The following LRFN5 variants were observed in gnomAD, a reference collection of about 807,000 sequenced individuals.
LRFN5 encodes the protein leucine-rich repeat and fibronectin type-III domain-containing protein 5.
LRFN5 carries 24 observed loss-of-function variants against 45.6 expected under a neutral mutation model. The ratio of observed to expected loss-of-function variants is 0.53; its 90% CI spans 0.38 to 0.74. LRFN5 has a LOEUF of 0.74. Among genes scored for constraint, LRFN5 ranks in the 30% least tolerant of loss-of-function variants. The pLI, the probability that LRFN5 is intolerant of heterozygous loss-of-function variation, is 0.00. For missense variants in LRFN5, 776 were observed against 861.5 expected (o/e 0.90, Z 1.24); for synonymous variants, 340 against 313.8 (o/e 1.08, Z -0.88).
intron 1 of LRFN5, among the ~76,000 whole-genome samples, chr14:41,751,184 T>C (rs1004180558): frequency 1.3e-5 from 2 of 152,084 alleles, no homozygotes; most frequent in Admixed American, 1.3e-4. Context: ...AACACAATTA[T>C]AATTCAAGAT....
At chr14:41,633,270 A>T (rs1888613671) in intron 1 of LRFN5, among the ~76,000 whole-genome samples, 2 of 152,252 alleles carry the variant, frequency 1.3e-5, no homozygotes, top group South Asian at 2.1e-4. Context: ...AAATAGCTGT[A>T]TATAACTAAT....
chr14:41,893,220 A>C (rs1890840090), intron 4 of LRFN5: 1 of 969,678 alleles, frequency 1.0e-6, no homozygotes, highest in Non-Finnish European at 1.2e-6. Context: ...CAGGATTTTA[A>C]ATTTAGTAGA....
chr14:41,688,066 AAAAG>A (rs1239503625), intron 1 of LRFN5, among the ~76,000 whole-genome samples: 2 of 152,240 alleles, frequency 1.3e-5, no homozygotes, highest in African/African-American at 4.8e-5. Flanking sequence ...ACCAGGCACA[AAAAG>A]ACAAACTTTA....
intron 1 of LRFN5, among the ~76,000 whole-genome samples, chr14:41,674,012 G>A (rs1215461229): frequency 6.8e-6 from 1 of 146,988 alleles, no homozygotes; most frequent in Non-Finnish European, 1.5e-5. Context: ...CTTCCCAGAC[G>A]CGGTGGCTGC....
intron 1 of LRFN5, among the ~76,000 whole-genome samples, chr14:41,749,341 CTT>C (rs1341131758): frequency 6.6e-6 from 1 of 152,026 alleles, no homozygotes; most frequent in African/African-American, 2.4e-5. Context: ...GAAATACTGA[CTT>C]ATAATAAAGC....
chr14:41,774,514 C>G (rs1350987365), intron 2 of LRFN5, among the ~76,000 whole-genome samples: 1 of 151,946 alleles, frequency 6.6e-6, no homozygotes, highest in African/African-American at 2.4e-5. Flanking sequence ...ATTATAAATG[C>G]TAACATAATA....
intron 1 of LRFN5, among the ~76,000 whole-genome samples, chr14:41,662,623 C>G (rs980409126): frequency 2.6e-5 from 4 of 151,932 alleles, no homozygotes; most frequent in African/African-American, 9.7e-5. Context: ...CCTGGAGTTG[C>G]AGTTGGTCAG....
rs201771170 is a variant in LRFN5, at chr14:41,887,810, A to C, written c.1185A>C (p.Ser395=). The stretch of plus-strand genomic sequence containing the variant: ...TCCATGAGCCTGATCCTGGTTCTTC[A>C]GATATCTCAACTTCTACCAAGTCAG... ...NHIHEPDPGS[S]DISTSTKSGS... The change falls in exon 3 of 6, where the codon TCA becomes TCC. Residue 395 remains serine, a synonymous_variant. Coordinates refer to ENST00000298119, the MANE Select transcript of LRFN5 (RefSeq NM_152447.5). The surrounding 1 kb of genome is among the most constrained non-coding windows in gnomAD (Gnocchi z 4.8). 4.3e-5 allele frequency: 69 copies of C among 1,613,868 alleles called. No homozygotes were observed. The highest frequency in any genetic ancestry group is 5.4e-5 in the Non-Finnish European group (64 of 1,179,966).
At chr14:41,619,783 A>T (rs1888055126) in intron 1 of LRFN5, among the ~76,000 whole-genome samples, 1 of 152,038 alleles carries the variant, frequency 6.6e-6, no homozygotes, top group South Asian at 2.1e-4. Context: ...GTACATAAAC[A>T]TTGATTTTCT....
chr14:41,755,749 C>A (rs1484535997), intron 1 of LRFN5, among the ~76,000 whole-genome samples: 1 of 152,158 alleles, frequency 6.6e-6, no homozygotes, highest in Non-Finnish European at 1.5e-5. Flanking sequence ...TTAATTGGAG[C>A]ATTTATCCCA....
chr14:41,844,234 G>A (rs140685088), intron 2 of LRFN5, among the ~76,000 whole-genome samples: 15,923 of 151,850 alleles, frequency 0.1, 2,423 homozygotes, highest in African/African-American at 0.34. Context: ...TCAGGAGATC[G>A]AGACCATCCT....
At chr14:41,669,911 G>A (rs529816440) in intron 1 of LRFN5, among the ~76,000 whole-genome samples, 6 of 149,512 alleles carry the variant, frequency 4.0e-5, no homozygotes, top group African/African-American at 1.5e-4. Flanking sequence ...TGGAAATGTG[G>A]AAAAGCATTC....
intron 2 of LRFN5, among the ~76,000 whole-genome samples, chr14:41,856,672 A>ATTT (rs1889465921): frequency 3.3e-4 from 2 of 5,976 alleles, no homozygotes; most frequent in Admixed American, 2.6e-3. Flanking sequence ...TATTATTATT[A>ATTT]TTATTTTTTT....
intron 5 of LRFN5, among the ~76,000 whole-genome samples, chr14:41,899,504 G>A (rs1361327496): frequency 6.6e-6 from 1 of 152,100 alleles, no homozygotes; most frequent in Non-Finnish European, 1.5e-5. Flanking sequence ...TTCTTCTTGA[G>A]TGGTTTTTTT....
intron 1 of LRFN5, among the ~76,000 whole-genome samples, chr14:41,705,984 T>C (rs1883047656): frequency 6.6e-6 from 1 of 152,214 alleles, no homozygotes; most frequent in Non-Finnish European, 1.5e-5. Context: ...TCTTCCTTTT[T>C]ATCCCATCAT....
chr14:41,678,489 A>G (rs1051343991), intron 1 of LRFN5, among the ~76,000 whole-genome samples: 7 of 152,174 alleles, frequency 4.6e-5, no homozygotes, highest in Non-Finnish European at 1.0e-4. Context: ...GGATATAACA[A>G]TAAAAGATCA....
chr14:41,880,179 G>A (rs891310157), intron 2 of LRFN5, among the ~76,000 whole-genome samples: 7 of 151,670 alleles, frequency 4.6e-5, no homozygotes, highest in South Asian at 4.2e-4. Flanking sequence ...TGCCCGCCTT[G>A]GCCTCCCAAA....
At chr14:41,897,640 CTG>C (rs1269085899) in intron 4 of LRFN5, among the ~76,000 whole-genome samples, 2 of 151,942 alleles carry the variant, frequency 1.3e-5, no homozygotes, top group African/African-American at 2.4e-5. Flanking sequence ...CCCAGAAAAA[CTG>C]TAAAAATTAT....
intron 1 of LRFN5, among the ~76,000 whole-genome samples, chr14:41,698,275 G>A (rs1882697962): frequency 6.6e-6 from 1 of 151,968 alleles, no homozygotes; most frequent in Admixed American, 6.6e-5. Context: ...TCTTATTATT[G>A]AAGTGCGGTC....
Sources: allele counts gnomAD v4.1 joint callset (sites outside exome capture counted in the v4.1 genomes callset), GRCh38; gene constraint gnomAD v4.1.1; non-coding constraint Gnocchi (gnomAD v3.1); transcripts MANE v1.5; gene names NCBI Gene and HGNC (gene_info 2026-07-23, HGNC 2026-07-21).